The following ZMAT4 variants were observed in gnomAD, a reference collection of about 807,000 sequenced individuals.
The protein encoded by ZMAT4 is zinc finger matrin-type protein 4.
Under a neutral mutation model 28.7 loss-of-function variants are expected in ZMAT4, and 17 were observed. That is an observed-to-expected ratio of 0.59 (90% CI 0.41 to 0.89). ZMAT4 has a LOEUF of 0.89. Ranked by LOEUF, ZMAT4 falls within the 40% of genes least tolerant of loss-of-function variation. The pLI, the probability that ZMAT4 is intolerant of heterozygous loss-of-function variation, is 0.00. For missense variants in ZMAT4, 240 were observed against 283.8 expected (o/e 0.85, Z 1.11); for synonymous variants, 117 against 109.2 (o/e 1.07, Z -0.44).
At chr8:40,821,462 A>C (rs991750927) in intron 2 of ZMAT4, among the ~76,000 whole-genome samples, 6 of 152,134 alleles carry the variant, frequency 3.9e-5, no homozygotes, top group Non-Finnish European at 7.4e-5. Context: ...AAATGCCTCT[A>C]TGTTCCCTAT....
intron 1 of ZMAT4, among the ~76,000 whole-genome samples, chr8:40,849,850 C>A (rs1817038295): frequency 6.6e-6 from 1 of 152,140 alleles, no homozygotes; most frequent in Non-Finnish European, 1.5e-5. Flanking sequence ...GGGGCTCAAA[C>A]CTCACTTGAG....
chr8:40,893,857 C>T (rs1277484736), intron 1 of ZMAT4, among the ~76,000 whole-genome samples: 1 of 152,136 alleles, frequency 6.6e-6, no homozygotes, highest in Admixed American at 6.5e-5. Flanking sequence ...TATTGTTCCC[C>T]TCTTCATGTC....
At chr8:40,649,416 T>C (rs1345170976) in intron 5 of ZMAT4, among the ~76,000 whole-genome samples, 1 of 152,012 alleles carries the variant, frequency 6.6e-6, no homozygotes, top group Non-Finnish European at 1.5e-5. Flanking sequence ...AGCACCAAGA[T>C]TCATAAAGCA....
intron 1 of ZMAT4, among the ~76,000 whole-genome samples, chr8:40,889,089 C>A (rs958714846): frequency 2.0e-5 from 3 of 152,200 alleles, no homozygotes; most frequent in African/African-American, 7.2e-5. Context: ...GGAGCCTCAA[C>A]TTCTCTGCTT....
At chr8:40,812,459 C>T (rs527635803) in intron 2 of ZMAT4, among the ~76,000 whole-genome samples, 1 of 152,330 alleles carries the variant, frequency 6.6e-6, no homozygotes, top group Admixed American at 6.5e-5. Flanking sequence ...CAGTAATCTT[C>T]AATATTGTCA....
At chr8:40,628,433 T>A (rs1266742516) in intron 5 of ZMAT4, among the ~76,000 whole-genome samples, 1 of 152,234 alleles carries the variant, frequency 6.6e-6, no homozygotes, top group East Asian at 1.9e-4. Context: ...GTGTGTGTTA[T>A]GATTATCTCT....
At chr8:40,781,033 C>T (rs1198684560) in intron 2 of ZMAT4, among the ~76,000 whole-genome samples, 2 of 152,020 alleles carry the variant, frequency 1.3e-5, no homozygotes, top group African/African-American at 4.8e-5. Context: ...CACAACAGGA[C>T]AATTAAGCAA....
At chr8:40,602,282 T>G (rs767029137) in intron 5 of ZMAT4, among the ~76,000 whole-genome samples, 7 of 152,226 alleles carry the variant, frequency 4.6e-5, no homozygotes, top group Non-Finnish European at 8.8e-5. Context: ...GCACTTGGGC[T>G]GGTTCCGTAT....
intron 5 of ZMAT4, among the ~76,000 whole-genome samples, chr8:40,629,294 T>C (rs1209592337): frequency 6.6e-6 from 1 of 151,980 alleles, no homozygotes; most frequent in Non-Finnish European, 1.5e-5. Context: ...AGGCTTTGTT[T>C]TTTACTTTCA....
At chr8:40,741,641 G>A (rs988783359) in intron 3 of ZMAT4, among the ~76,000 whole-genome samples, 1 of 152,020 alleles carries the variant, frequency 6.6e-6, no homozygotes, top group Non-Finnish European at 1.5e-5. Flanking sequence ...ATCGGTGCTG[G>A]GAATATCAAT....
intron 5 of ZMAT4, among the ~76,000 whole-genome samples, chr8:40,651,798 C>A (rs1368689696): frequency 1.4e-4 from 20 of 142,352 alleles, no homozygotes; most frequent in African/African-American, 4.6e-4. Context: ...ACTATCTGAT[C>A]TTTGACAAAC....
At chr8:40,779,077 G>A (rs1308450517) in intron 2 of ZMAT4, among the ~76,000 whole-genome samples, 2 of 152,090 alleles carry the variant, frequency 1.3e-5, no homozygotes, top group Admixed American at 6.5e-5. Flanking sequence ...CATAATTCAT[G>A]TTGTGGGAGG....
At chr8:40,768,690 C>T (rs1226349602) in intron 2 of ZMAT4, among the ~76,000 whole-genome samples, 1 of 146,310 alleles carries the variant, frequency 6.8e-6, no homozygotes, top group Admixed American at 6.8e-5. Flanking sequence ...ACAACATTTG[C>T]TAGGGTGTCA....
At chr8:40,593,457 C>T (rs1804962405) in intron 5 of ZMAT4, among the ~76,000 whole-genome samples, 1 of 152,212 alleles carries the variant, frequency 6.6e-6, no homozygotes, top group South Asian at 2.1e-4. Context: ...GGCTATTTCT[C>T]ATTTCTTCCC....
chr8:40,802,033 C>G (rs1041150043), intron 2 of ZMAT4, among the ~76,000 whole-genome samples: 1 of 152,156 alleles, frequency 6.6e-6, no homozygotes, highest in African/African-American at 2.4e-5. Context: ...AACACCCATT[C>G]ATGTTATGAA....
At chr8:40,634,270 G>A (rs1334253273) in intron 5 of ZMAT4, among the ~76,000 whole-genome samples, 2 of 152,206 alleles carry the variant, frequency 1.3e-5, no homozygotes, top group Non-Finnish European at 2.9e-5. Flanking sequence ...ACTGAATGAA[G>A]TTAATTTCTT....
intron 2 of ZMAT4, among the ~76,000 whole-genome samples, chr8:40,789,279 G>C (rs1029215878): frequency 1.3e-5 from 2 of 152,192 alleles, no homozygotes; most frequent in African/African-American, 2.4e-5. Context: ...CTTACGGCTA[G>C]CGTTGTACTT....
At chr8:40,555,406 A>G (rs1803502971) in intron 6 of ZMAT4, among the ~76,000 whole-genome samples, 1 of 152,158 alleles carries the variant, frequency 6.6e-6, no homozygotes, top group African/African-American at 2.4e-5. Context: ...CATCTCAGAT[A>G]TACTCCACAG....
At chr8:40,869,203 A>G (rs976866484) in intron 1 of ZMAT4, among the ~76,000 whole-genome samples, 28 of 152,318 alleles carry the variant, frequency 1.8e-4, no homozygotes, top group African/African-American at 4.6e-4. Context: ...GATCCAGACA[A>G]CCTTCATCTT....
Sources: allele counts gnomAD v4.1 joint callset (sites outside exome capture counted in the v4.1 genomes callset), GRCh38; gene constraint gnomAD v4.1.1; transcripts MANE v1.5; gene names NCBI Gene and HGNC (gene_info 2026-07-23, HGNC 2026-07-21).